Variants in CAMTA1 observed in about 807,000 individuals in gnomAD.
CAMTA1 encodes calmodulin-binding transcription activator 1.
CAMTA1 carries 27 observed loss-of-function variants against 170.9 expected under a neutral mutation model. The ratio of observed to expected loss-of-function variants is 0.16; its 90% CI spans 0.12 to 0.22. The LOEUF is 0.22. Ranked by LOEUF, CAMTA1 falls within the 10% of genes least tolerant of loss-of-function variation. CAMTA1 has a pLI of 1.00. For synonymous variants in CAMTA1, 833 were observed against 891.5 expected (o/e 0.93, Z 1.17); for missense variants, 1,619 against 2,217.2 (o/e 0.73, Z 5.42).
At chr1:7,717,234 C>G (rs1022365393) in intron 11 of CAMTA1, among the ~76,000 whole-genome samples, 9 of 152,006 alleles carry the variant, frequency 5.9e-5, no homozygotes, top group African/African-American at 2.2e-4. Flanking sequence ...TGATATATTC[C>G]TGAACATTGC....
At chr1:6,980,578 A>G (rs1356169116) in intron 3 of CAMTA1, among the ~76,000 whole-genome samples, 1 of 152,150 alleles carries the variant, frequency 6.6e-6, no homozygotes, top group Non-Finnish European at 1.5e-5. Context: ...TGTAGCTCCC[A>G]TAATTCCCAT....
chr1:6,862,057 G>A (rs1664916164), intron 3 of CAMTA1, among the ~76,000 whole-genome samples: 1 of 151,808 alleles, frequency 6.6e-6, no homozygotes, highest in African/African-American at 2.4e-5. Context: ...CTGCCTCCCG[G>A]GTTCAAGCTA....
intron 3 of CAMTA1, among the ~76,000 whole-genome samples, chr1:7,073,882 G>A (rs1032234491): frequency 1.3e-5 from 2 of 152,178 alleles, no homozygotes; most frequent in African/African-American, 2.4e-5. Flanking sequence ...GAATAGTAAC[G>A]TTTCTTAACT....
chr1:7,736,580 C>A lies in CAMTA1; in HGVS notation c.3263+40C>A, dbSNP rs748323106. The A allele has an allele frequency of 4.4e-6, 7 of 1,586,592 alleles. No individual in the cohort carries two copies. The highest frequency in any genetic ancestry group is 2.2e-5 in the East Asian group (1 of 44,672). On this transcript the variant is annotated intron_variant, in intron 13 of 22. Transcript: ENST00000303635. This position sits in a 1 kb window ranked among gnomAD's most constrained non-coding sequence, Gnocchi z 4.5. ...CAGCTGGCTGGGGGTCAGCCTCGCA[C>A]ATCCTCGCTCACATTCTTCCTGAGC...
intron 3 of CAMTA1, among the ~76,000 whole-genome samples, chr1:7,030,585 C>T (rs575886950): frequency 2.6e-5 from 4 of 152,154 alleles, no homozygotes; most frequent in African/African-American, 4.8e-5. Context: ...CTGCCCAATA[C>T]CTGTCTGTTA....
intron 5 of CAMTA1, among the ~76,000 whole-genome samples, chr1:7,328,512 T>TA (rs1467848254): frequency 1.3e-5 from 2 of 152,004 alleles, no homozygotes; most frequent in East Asian, 1.9e-4. Context: ...AAATAAATAA[T>TA]AAAAAATAGA....
chr1:6,924,898 GTC>G (rs768221359), intron 3 of CAMTA1, among the ~76,000 whole-genome samples: 17 of 152,196 alleles, frequency 1.1e-4, no homozygotes, highest in Non-Finnish European at 1.8e-4. Context: ...TTGCCTCTTG[GTC>G]TGATTTCTCT....
At chr1:6,901,557 A>C (rs1676941195) in intron 3 of CAMTA1, among the ~76,000 whole-genome samples, 1 of 152,262 alleles carries the variant, frequency 6.6e-6, no homozygotes, top group African/African-American at 2.4e-5. Flanking sequence ...AAAAATGGGC[A>C]AGAGAGTTCT....
rs1407460143 is a variant in CAMTA1 at position 7,063,255 on chromosome 1, C to T, written c.235-28049C>T. On this transcript the variant is annotated intron_variant, in intron 3 of 22. Coordinates refer to ENST00000303635, the MANE Select transcript of CAMTA1 (RefSeq NM_015215.4). The surrounding 1 kb of genome is among the most constrained non-coding windows in gnomAD (Gnocchi z 4.3). ...TCACCCCCTAACATCAGGTCAAATC[C>T]GGCCTAGAATTCCTAGTGGAAAGAC... Among the ~76,000 whole-genome samples the T allele has an allele frequency of 1.3e-5, 2 of 152,148 alleles. No homozygotes were observed. The highest frequency in any genetic ancestry group is 2.9e-5 in the Non-Finnish European group (2 of 68,038).
intron 6 of CAMTA1, among the ~76,000 whole-genome samples, chr1:7,475,053 C>G (rs1039320415): frequency 1.3e-5 from 2 of 152,256 alleles, no homozygotes; most frequent in African/African-American, 4.8e-5. Flanking sequence ...GAGCTGGGCT[C>G]TTCCCTGGCA....
At chr1:7,158,052 G>A (rs1015969279) in intron 4 of CAMTA1, among the ~76,000 whole-genome samples, 3 of 152,108 alleles carry the variant, frequency 2.0e-5, no homozygotes, top group Non-Finnish European at 2.9e-5. Context: ...CCAGCTACTC[G>A]GGAGGCTGAG....
chr1:7,622,131 G>A (rs560674031), intron 6 of CAMTA1, among the ~76,000 whole-genome samples: 2 of 152,318 alleles, frequency 1.3e-5, no homozygotes, highest in Non-Finnish European at 2.9e-5. Flanking sequence ...GGTTTTGCTC[G>A]TTAACTCATT....
intron 5 of CAMTA1, among the ~76,000 whole-genome samples, chr1:7,398,169 CTCTCTCTCTCTCTCTCTCTCTCTCTATA>C (rs2089490762): frequency 2.8e-5 from 1 of 36,056 alleles, no homozygotes; most frequent in Non-Finnish European, 5.1e-5. Flanking sequence ...CTCTCTCTCT[CTCTCTCTCTCTCTCTCTCTCTCTCTATA>C]TATATATATA....
At chr1:6,913,404 C>A (rs1306791341) in intron 3 of CAMTA1, among the ~76,000 whole-genome samples, 6 of 152,136 alleles carry the variant, frequency 3.9e-5, no homozygotes, top group Non-Finnish European at 7.3e-5. Context: ...GGTTCCCTGG[C>A]CCTCCAGCCT....
intron 21 of CAMTA1, among the ~76,000 whole-genome samples, 182 bp downstream of exon 21, chr1:7,752,715 G>C (rs1287729215): frequency 6.6e-6 from 1 of 152,184 alleles, no homozygotes; most frequent in Non-Finnish European, 1.5e-5. Context: ...CCCTTGGAGT[G>C]CTGGTAACCA....
intron 11 of CAMTA1, among the ~76,000 whole-genome samples, chr1:7,717,320 A>G (rs907624472): frequency 5.9e-5 from 9 of 152,182 alleles, no homozygotes; most frequent in East Asian, 1.9e-4. Context: ...ATGTACTCCA[A>G]AGTACATTTG....
intron 3 of CAMTA1, among the ~76,000 whole-genome samples, chr1:7,056,044 C>T (rs1271562019): frequency 8.5e-5 from 13 of 152,200 alleles, no homozygotes; most frequent in Admixed American, 8.5e-4. Context: ...CCTGAAGATC[C>T]TGTGCCTTTT....
At chr1:7,560,407 C>T (rs1391291143) in intron 6 of CAMTA1, among the ~76,000 whole-genome samples, 2 of 152,248 alleles carry the variant, frequency 1.3e-5, no homozygotes, top group African/African-American at 4.8e-5. Flanking sequence ...TCTGCGGCAG[C>T]ATGGGCTGGG....
intron 3 of CAMTA1, among the ~76,000 whole-genome samples, chr1:6,837,451 G>A (rs564662373): frequency 5.9e-5 from 9 of 152,182 alleles, no homozygotes; most frequent in African/African-American, 2.2e-4. Flanking sequence ...AGAGACAAGG[G>A]GAAAACACTC....
Sources: allele counts gnomAD v4.1 joint callset (sites outside exome capture counted in the v4.1 genomes callset), GRCh38; gene constraint gnomAD v4.1.1; non-coding constraint Gnocchi (gnomAD v3.1); transcripts MANE v1.5; gene names NCBI Gene and HGNC (gene_info 2026-07-23, HGNC 2026-07-21).